The following HAPLN1 variants were observed in gnomAD, a reference collection of about 807,000 sequenced individuals.
HAPLN1 encodes Cartilage link protein.
HAPLN1 carries 13 observed loss-of-function variants against 36.5 expected under a neutral mutation model. The observed-to-expected ratio is 0.36, with a 90% CI of 0.23 to 0.57. The LOEUF is 0.57. HAPLN1 is among the 20% of genes least tolerant of loss of function. The probability of loss-of-function intolerance (pLI) is 0.83; values close to 1 mark genes in which losing one functional copy is unlikely to be tolerated. For missense variants in HAPLN1, 407 were observed against 439.7 expected, an observed-to-expected ratio of 0.93 and a Z score of 0.66; for synonymous variants, 202 against 169.8, an observed-to-expected ratio of 1.19 and a Z score of -1.48.
intron 1 of HAPLN1, among the ~76,000 whole-genome samples, chr5:83,716,079 A>G (rs1751907425): frequency 6.6e-6 from 1 of 152,240 alleles, no homozygotes; most frequent in South Asian, 2.1e-4. Flanking sequence ...AAATGAGGTG[A>G]TCCTCCAAAT....
At position 83,641,701 on chromosome 5, in the gene HAPLN1, G is replaced by C; in HGVS notation, c.860C>G (p.Ala287Gly). 6.2e-7 allele frequency: 1 copy of C among 1,614,154 alleles called. No homozygotes were observed. The highest frequency in any genetic ancestry group is 8.5e-7 in the Non-Finnish European group (1 of 1,180,032). ...GGCAGCAAATATCTGGCCCACTTTT[G>C]CAATCTGAGCACCATCATTGAGACA... is the stretch of plus-strand genomic sequence containing the variant. The part of the protein sequence containing the change: ...QACLNDGAQI[A>G]KVGQIFAAWK... The change falls in exon 5 of 5, where the codon GCA becomes GGA. Residue 287 changes from alanine (A) to glycine (G), a missense_variant. Coordinates refer to ENST00000274341, the MANE Select transcript of HAPLN1 (RefSeq NM_001884.4).
At chr5:83,643,470 A>T (rs1322666633) in intron 4 of HAPLN1, among the ~76,000 whole-genome samples, 1 of 151,876 alleles carries the variant, frequency 6.6e-6, no homozygotes, top group Non-Finnish European at 1.5e-5. Flanking sequence ...GGCTTGCTTC[A>T]TGGGTGTGTG....
rs181732054 is a variant in HAPLN1 at position 83,695,678 on chromosome 5, A to G, written c.-26-22129T>C. On this transcript the variant is annotated intron_variant, in intron 1 of 4. Coordinates refer to ENST00000274341, the MANE Select transcript of HAPLN1 (RefSeq NM_001884.4). ...TAAATATATATCTATATGTATTTAT[A>G]TAAACATCTCAATAGATACAGGAAA... Among the ~76,000 whole-genome samples the G allele has an allele frequency of 3.8e-4, 57 of 148,462 alleles. No individual in the cohort carries two copies. The East Asian group carries it at 8.4e-3, about 22-fold the overall frequency.
At chr5:83,648,609 T>C (rs991721257) in intron 3 of HAPLN1, among the ~76,000 whole-genome samples, 2 of 151,718 alleles carry the variant, frequency 1.3e-5, no homozygotes, top group Middle Eastern at 3.4e-3. Context: ...TTTAAGCTGG[T>C]ATTAAAGGAC....
At chr5:83,669,659 AT>A (rs996128729) in intron 2 of HAPLN1, among the ~76,000 whole-genome samples, 2 of 152,122 alleles carry the variant, frequency 1.3e-5, no homozygotes, top group Non-Finnish European at 2.9e-5. Flanking sequence ...AAAAGCATGA[AT>A]TTTTTTGACC....
chr5:83,644,901 G>T (rs182367463), intron 3 of HAPLN1, among the ~76,000 whole-genome samples: 10 of 152,222 alleles, frequency 6.6e-5, no homozygotes, highest in Admixed American at 1.3e-4. Context: ...CTTTAGCTAA[G>T]AGTTCAACTC....
intron 1 of HAPLN1, among the ~76,000 whole-genome samples, chr5:83,710,907 C>T (rs963669671): frequency 5.3e-5 from 8 of 151,840 alleles, no homozygotes; most frequent in Non-Finnish European, 8.8e-5. Context: ...GCTGTGATCA[C>T]GCCATGGCAC....
At chr5:83,652,407 C>A in intron 3 of HAPLN1, 46 bp downstream of exon 3, 1 of 1,537,474 alleles carries the variant, frequency 6.5e-7, no homozygotes. Flanking sequence ...AAAAAAGCAA[C>A]TATTAATGAC....
intron 1 of HAPLN1, among the ~76,000 whole-genome samples, chr5:83,679,008 A>G (rs1223026073): frequency 6.6e-6 from 1 of 152,194 alleles, no homozygotes; most frequent in African/African-American, 2.4e-5. Flanking sequence ...AGAAACAGAA[A>G]TGAGCAAGTC....
intron 1 of HAPLN1, among the ~76,000 whole-genome samples, chr5:83,713,801 G>A (rs2112640991): frequency 6.6e-6 from 1 of 152,236 alleles, no homozygotes; most frequent in East Asian, 1.9e-4. Context: ...TCCACATCCA[G>A]TCAATGCATC....
chr5:83,680,404 C>G, intron 1 of HAPLN1, among the ~76,000 whole-genome samples: 1 of 152,078 alleles, frequency 6.6e-6, no homozygotes, highest in Non-Finnish European at 1.5e-5. Context: ...AATGCAGGGA[C>G]CACATATTTC....
rs142652441 is a variant in HAPLN1 at position 83,709,485 on chromosome 5, T to A, written c.-27+11304A>T. Reference sequence around the variant, plus strand: ...ATTGGGTAATTTTATTTAATTAATTTATTTATTTTACAAAATTTCCATTTT... The same window carrying A: ...ATTGGGTAATTTTATTTAATTAATTAATTTATTTTACAAAATTTCCATTTT... On this transcript the variant is annotated intron_variant, in intron 1 of 4. Coordinates refer to ENST00000274341, the MANE Select transcript of HAPLN1 (RefSeq NM_001884.4). Among the ~76,000 whole-genome samples, 753 of 152,328 alleles carry A rather than the reference T, an allele frequency of 4.9e-3. 8 individuals are homozygous for A. The highest frequency in any genetic ancestry group is 0.017 in the African/African-American group (718 of 41,568).
chr5:83,703,124 C>T (rs1751549057), intron 1 of HAPLN1, among the ~76,000 whole-genome samples: 4 of 152,188 alleles, frequency 2.6e-5, no homozygotes, highest in Admixed American at 2.6e-4. Context: ...CAGCCACAGA[C>T]ATTATTGCTA....
chr5:83,679,056 T>C (rs1283742554), intron 1 of HAPLN1, among the ~76,000 whole-genome samples: 1 of 152,194 alleles, frequency 6.6e-6, no homozygotes, highest in Non-Finnish European at 1.5e-5. Context: ...GAGCAATATA[T>C]ACCAACATAT....
Position 83,644,661 on chromosome 5 carries a change from C to A in HAPLN1, c.477G>T (p.Val159=), listed in dbSNP as rs1430465562. 5 of 1,449,180 alleles carry A rather than the reference C, an allele frequency of 3.5e-6. No homozygotes were observed. Among genetic ancestry groups the A allele is most frequent in the South Asian group, 1.6e-5 (1 of 64,406 alleles). 89.8% of individuals were successfully genotyped at this position (1,449,180 alleles called of 1,614,324 possible). The stretch of plus-strand genomic sequence containing the variant: ...CCAGTCGTGGAAAGTAAGGGAATAC[C>A]ACACCTGTCCAAAGGAGAAAGCAAG... ...TVVVALDLQG[V]VFPYFPRLGR... Residue 159 remains valine, a synonymous_variant, in exon 4 of 5, where the codon GTG becomes GTT. Coordinates refer to ENST00000274341, the MANE Select transcript of HAPLN1 (RefSeq NM_001884.4).
Position 83,638,963 on chromosome 5 carries a change from G to A in HAPLN1, c.*2533C>T, listed in dbSNP as rs1343669735. 6.6e-6 allele frequency: 1 copy of A among 151,934 alleles called. No individual in the cohort carries two copies. Among genetic ancestry groups the A allele is most frequent in the African/African-American group, 2.4e-5 (1 of 41,388 alleles). 9.4% of individuals were successfully genotyped at this position (151,934 alleles called of 1,614,324 possible). ...TTATGGACAAATACATTAAAACAAGGGTTCCTGGCCCAGCCTCCCATCTAA... is the reference window on the plus strand; with the variant it reads ...TTATGGACAAATACATTAAAACAAGAGTTCCTGGCCCAGCCTCCCATCTAA... On this transcript the variant is annotated 3_prime_UTR_variant, in exon 5 of 5. Transcript: ENST00000274341.
intron 1 of HAPLN1, chr5:83,703,686 TATGAG>T (rs1417259560): frequency 6.6e-6 from 1 of 152,076 alleles, no homozygotes; most frequent in Non-Finnish European, 1.5e-5. Context: ...CTCCAAGAAG[TATGAG>T]ATTATGTAAA....
At chr5:83,656,097 G>A (rs1750202017) in intron 2 of HAPLN1, among the ~76,000 whole-genome samples, 2 of 152,088 alleles carry the variant, frequency 1.3e-5, no homozygotes, top group South Asian at 2.1e-4. Flanking sequence ...GGAGGCTGAG[G>A]TGGGCAGATC....
intron 1 of HAPLN1, among the ~76,000 whole-genome samples, chr5:83,714,577 G>C (rs1203756675): frequency 6.6e-6 from 1 of 151,896 alleles, no homozygotes; most frequent in Non-Finnish European, 1.5e-5. Flanking sequence ...CAATTTTACT[G>C]TACTTACATA....
Sources: gnomAD v4.1 joint callset for allele counts (sites outside exome capture counted in the v4.1 genomes callset) on GRCh38, gnomAD v4.1.1 for gene constraint, MANE v1.5 for transcripts, NCBI Gene and HGNC (gene_info 2026-07-23, HGNC 2026-07-21) for gene names.